VWC2L: variants seen among roughly 807,000 people sequenced by gnomAD.
VWC2L encodes von Willebrand factor C domain containing 2 like.
VWC2L carries 10 observed loss-of-function variants against 21.6 expected under a neutral mutation model. The ratio of observed to expected loss-of-function variants is 0.46; its 90% CI spans 0.29 to 0.78. The LOEUF is 0.78. VWC2L is among the 30% of genes least tolerant of loss of function. The pLI is 0.10. For missense variants in VWC2L, 209 were observed against 277.1 expected, an observed-to-expected ratio of 0.75 and a Z score of 1.74; for synonymous variants, 96 against 94.3, an observed-to-expected ratio of 1.02 and a Z score of -0.10.
chr2:214,567,566 A>G (rs1301752669), intron 3 of VWC2L, among the ~76,000 whole-genome samples: 1 of 138,644 alleles, frequency 7.2e-6, no homozygotes, highest in Non-Finnish European at 1.6e-5. Flanking sequence ...ACACACACAC[A>G]CACACACACA....
chr2:214,538,942 A>T (rs75208120), intron 3 of VWC2L, among the ~76,000 whole-genome samples: 5 of 152,030 alleles, frequency 3.3e-5, no homozygotes, highest in African/African-American at 1.2e-4. Flanking sequence ...TAAAACCTCT[A>T]TTGGGGAAAA....
chr2:214,506,577 CAAT>C (rs1244827871), intron 3 of VWC2L, among the ~76,000 whole-genome samples: 1 of 152,064 alleles, frequency 6.6e-6, no homozygotes, highest in African/African-American at 2.4e-5. Context: ...TGTTTTGACT[CAAT>C]AATTTTACTT....
intron 3 of VWC2L, among the ~76,000 whole-genome samples, chr2:214,499,427 A>G (rs1415952276): frequency 1.3e-5 from 2 of 149,032 alleles, no homozygotes; most frequent in Non-Finnish European, 3.0e-5. Context: ...TGAAACAGAC[A>G]TATTATTTTA....
At chr2:214,503,067 G>A (rs549755494) in intron 3 of VWC2L, among the ~76,000 whole-genome samples, 50 of 152,282 alleles carry the variant, frequency 3.3e-4, no homozygotes, top group Admixed American at 5.9e-4. Flanking sequence ...GTTCAAAACT[G>A]GCTACCATCG....
At chr2:214,550,833 T>G (rs1574631699) in intron 3 of VWC2L, among the ~76,000 whole-genome samples, 1 of 152,224 alleles carries the variant, frequency 6.6e-6, no homozygotes, top group African/African-American at 2.4e-5. Flanking sequence ...GTTAGTGTCA[T>G]GTCACTTTCC....
chr2:214,505,846 T>C (rs1688959818), intron 3 of VWC2L, among the ~76,000 whole-genome samples: 1 of 151,808 alleles, frequency 6.6e-6, no homozygotes, highest in Non-Finnish European at 1.5e-5. Context: ...CTAGTAAGAG[T>C]GTTTAACATG....
At chr2:214,508,341 GGATTCGCCATTTGGT>G (rs1210014775) in intron 3 of VWC2L, among the ~76,000 whole-genome samples, 1 of 152,028 alleles carries the variant, frequency 6.6e-6, no homozygotes, top group Admixed American at 6.6e-5. Context: ...AATTTTCTCT[GGATTCGCCATTTGGT>G]AAGATGAAGA....
At chr2:214,554,898 G>C (rs890667515) in intron 3 of VWC2L, among the ~76,000 whole-genome samples, 5 of 152,052 alleles carry the variant, frequency 3.3e-5, no homozygotes, top group Admixed American at 1.3e-4. Context: ...CTGCAAAATT[G>C]CCTCTTGTGG....
intron 3 of VWC2L, among the ~76,000 whole-genome samples, chr2:214,454,849 G>A (rs549804495): frequency 6.6e-6 from 1 of 152,014 alleles, no homozygotes; most frequent in South Asian, 2.1e-4. Flanking sequence ...TGATCTGCCT[G>A]CCTCATCCTC....
chr2:214,533,457 C>T (rs1375122276), intron 3 of VWC2L, among the ~76,000 whole-genome samples: 3 of 151,624 alleles, frequency 2.0e-5, no homozygotes, highest in Non-Finnish European at 4.4e-5. Context: ...GACTTGCTAT[C>T]TAACTTCCAC....
chr2:214,523,993 T>A (rs892623460), intron 3 of VWC2L, among the ~76,000 whole-genome samples: 12 of 152,298 alleles, frequency 7.9e-5, no homozygotes, highest in Middle Eastern at 3.4e-3. Flanking sequence ...AAGCTTTATT[T>A]GGAAAGGAAA....
intron 3 of VWC2L, among the ~76,000 whole-genome samples, chr2:214,516,613 C>A (rs966311656): frequency 6.7e-6 from 1 of 150,056 alleles, no homozygotes; most frequent in African/African-American, 2.5e-5. Flanking sequence ...CATAGCTTAT[C>A]GTTAAGCAAA....
intron 3 of VWC2L, among the ~76,000 whole-genome samples, chr2:214,489,962 C>A (rs1688723199): frequency 6.6e-6 from 1 of 152,206 alleles, no homozygotes; most frequent in Non-Finnish European, 1.5e-5. Context: ...TAATCACATT[C>A]TTTTGGCAGG....
chr2:214,465,964 C>A (rs1703210485), intron 3 of VWC2L, among the ~76,000 whole-genome samples: 1 of 152,190 alleles, frequency 6.6e-6, no homozygotes, highest in Admixed American at 6.5e-5. Flanking sequence ...CCCCCAAGCA[C>A]ACAGATTCTT....
intron 3 of VWC2L, among the ~76,000 whole-genome samples, chr2:214,512,586 TCTCA>T (rs1372341917): frequency 5.3e-5 from 8 of 152,142 alleles, no homozygotes; most frequent in African/African-American, 1.2e-4. Flanking sequence ...AAAATTTTAC[TCTCA>T]CTTTCTAAAA....
intron 3 of VWC2L, among the ~76,000 whole-genome samples, chr2:214,453,941 G>A (rs140876622): frequency 2.0e-5 from 3 of 152,016 alleles, no homozygotes; most frequent in Admixed American, 6.6e-5. Flanking sequence ...GGCTGGTCTC[G>A]AACTCCTGAG....
chr2:214,432,230 T>C (rs1702610814), intron 2 of VWC2L, among the ~76,000 whole-genome samples: 1 of 152,236 alleles, frequency 6.6e-6, no homozygotes, highest in East Asian at 1.9e-4. Context: ...GTATCTGTCA[T>C]GTGCTAAGAT....
intron 3 of VWC2L, among the ~76,000 whole-genome samples, chr2:214,533,549 G>GA (rs35750110): frequency 0.37 from 52,213 of 141,502 alleles, 9,739 homozygotes; most frequent in African/African-American, 0.49. Context: ...AGGGGAAAAA[G>GA]AAAAAAAAAA....
At chr2:214,461,142 C>A (rs554413710) in intron 3 of VWC2L, among the ~76,000 whole-genome samples, 1 of 152,140 alleles carries the variant, frequency 6.6e-6, no homozygotes, top group Non-Finnish European at 1.5e-5. Context: ...AGGCCCCAGT[C>A]GTGGCAGCAG....
Sources: allele counts gnomAD v4.1 joint callset (sites outside exome capture counted in the v4.1 genomes callset), GRCh38; gene constraint gnomAD v4.1.1; transcripts MANE v1.5; gene names NCBI Gene and HGNC (gene_info 2026-07-23, HGNC 2026-07-21).